The following BFSP2 variants were observed in gnomAD, a reference collection of about 807,000 sequenced individuals.
BFSP2 encodes phakinin.
A neutral mutation model predicts 44.9 loss-of-function variants in BFSP2; 38 were observed. That is an observed-to-expected ratio of 0.85 (90% confidence interval 0.65 to 1.11). The LOEUF is 1.11. BFSP2 is among the 50% of genes least tolerant of loss of function. The probability of loss-of-function intolerance (pLI) is 0.00; values close to 1 mark genes in which losing one functional copy is unlikely to be tolerated. For missense variants in BFSP2, 525 were observed against 533.0 expected (o/e 0.99, Z 0.15); for synonymous variants, 197 against 209.9 (o/e 0.94, Z 0.53).
chr3:133,466,450 C>T (rs6439409), intron 4 of BFSP2, among the ~76,000 whole-genome samples: 65,956 of 151,264 alleles, frequency 0.44, 15,096 homozygotes, highest in Non-Finnish European at 0.5. Context: ...GAGGCCAAGG[C>T]ATGCGGATTA....
At chr3:133,424,313 C>T (rs2073624373) in intron 1 of BFSP2, among the ~76,000 whole-genome samples, 1 of 151,190 alleles carries the variant, frequency 6.6e-6, no homozygotes, top group South Asian at 2.1e-4. Context: ...CGTGATCCAC[C>T]CGCCTCGGCC....
intron 1 of BFSP2, among the ~76,000 whole-genome samples, chr3:133,422,072 A>G (rs2107894724): frequency 7.4e-6 from 1 of 134,488 alleles, no homozygotes; most frequent in East Asian, 2.2e-4. Context: ...GCGCCACTGC[A>G]CTCCAGCCTG....
chr3:133,430,977 G>A (rs907791958), intron 1 of BFSP2, among the ~76,000 whole-genome samples: 1 of 152,118 alleles, frequency 6.6e-6, no homozygotes, highest in Non-Finnish European at 1.5e-5. Flanking sequence ...GGTGGCTGGA[G>A]CTGAAGGCAT....
intron 5 of BFSP2, among the ~76,000 whole-genome samples, chr3:133,471,746 C>T (rs1380260687): frequency 1.3e-5 from 2 of 151,944 alleles, no homozygotes; most frequent in Non-Finnish European, 2.9e-5. Flanking sequence ...AGTGAAGGGA[C>T]GGCAGAGGAA....
intron 1 of BFSP2, among the ~76,000 whole-genome samples, chr3:133,432,202 TCCC>T (rs2073729384): frequency 1.3e-5 from 2 of 152,014 alleles, no homozygotes; most frequent in East Asian, 1.9e-4. Context: ...TCCTTACAAT[TCCC>T]CCATTTTACC....
In BFSP2 at chr3:133,424,229, T is replaced by G. The variant is rs1366802853; in HGVS notation, c.490-23088T>G. ...TCCAGCTAATTTTTTTTTTTTTTTTTTTTTTTTTTTTTGTATTTTTAGTAG... is the reference window on the plus strand; with the variant it reads ...TCCAGCTAATTTTTTTTTTTTTTTTGTTTTTTTTTTTTGTATTTTTAGTAG... On this transcript the variant is annotated intron_variant, in intron 1 of 6. Coordinates refer to ENST00000302334, the MANE Select transcript of BFSP2 (RefSeq NM_003571.4). 2.1e-3 allele frequency among the ~76,000 whole-genome samples: 301 copies of G among 145,874 alleles called. 7 individuals are homozygous for G. The highest frequency in any genetic ancestry group is 7.2e-3 in the African/African-American group (288 of 39,860).
intron 1 of BFSP2, among the ~76,000 whole-genome samples, chr3:133,401,560 A>G (rs1392505569): frequency 6.6e-6 from 1 of 151,928 alleles, no homozygotes; most frequent in African/African-American, 2.4e-5. Context: ...CACATCCATC[A>G]TGTCTGGCCT....
intron 1 of BFSP2, among the ~76,000 whole-genome samples, chr3:133,404,390 G>A (rs372091096): frequency 1.5e-4 from 23 of 152,194 alleles, no homozygotes; most frequent in African/African-American, 5.1e-4. Flanking sequence ...GCAGCAACTG[G>A]AGGGAGAGGA....
rs763538302 is a variant in BFSP2, at chr3:133,400,944, CCCCATTA to C, written c.489+376_489+382del. Reference sequence around the variant, plus strand: ...TTTTGTGCCTCCAAAGTTGCATTTGCCCCATTACCCTGGGGCTGCCTCAGTCACCTTT... The same window carrying C: ...TTTTGTGCCTCCAAAGTTGCATTTGCCCCTGGGGCTGCCTCAGTCACCTTT... On this transcript the variant is annotated intron_variant, in intron 1 of 6. Coordinates refer to ENST00000302334, the MANE Select transcript of BFSP2 (RefSeq NM_003571.4). The surrounding 1 kb of genome is among the most constrained non-coding windows in gnomAD (Gnocchi z 4.0). Among the ~76,000 whole-genome samples, 9 of 152,134 alleles carry C rather than the reference CCCCATTA, an allele frequency of 5.9e-5. No homozygotes were observed. The highest frequency in any genetic ancestry group is 1.3e-4 in the Non-Finnish European group (9 of 68,026).
Position 133,400,639 on chromosome 3 carries a change from G to A in BFSP2, c.489+67G>A. 6.5e-7 allele frequency: 1 copy of A among 1,549,882 alleles called. No individual in the cohort carries two copies. Among genetic ancestry groups the A allele is most frequent in the Admixed American group, 2.0e-5 (1 of 51,110 alleles). On this transcript the variant is annotated intron_variant, in intron 1 of 6. Coordinates refer to ENST00000302334, the MANE Select transcript of BFSP2 (RefSeq NM_003571.4). The surrounding 1 kb of genome is among the most constrained non-coding windows in gnomAD (Gnocchi z 4.0). ...GAGGGGCTGCTGAAGGCAGCGGGTA[G>A]GGTTGTGAGTAGGCTGAGGCCAGAG...
At chr3:133,424,315 G>T (rs973067769) in intron 1 of BFSP2, among the ~76,000 whole-genome samples, 1 of 144,250 alleles carries the variant, frequency 6.9e-6, no homozygotes, top group African/African-American at 2.5e-5. Flanking sequence ...TGATCCACCC[G>T]CCTCGGCCTC....
intron 4 of BFSP2, among the ~76,000 whole-genome samples, chr3:133,461,160 G>C (rs1281819708): frequency 2.0e-5 from 3 of 152,144 alleles, no homozygotes; most frequent in Non-Finnish European, 4.4e-5. Context: ...AAGTGGGTCA[G>C]GCTTGGACTT....
chr3:133,469,338 T>A (rs2107942971), intron 5 of BFSP2, among the ~76,000 whole-genome samples: 1 of 152,380 alleles, frequency 6.6e-6, no homozygotes, highest in East Asian at 1.9e-4. Context: ...CAGAGCGATC[T>A]GTGCACACAC....
At chr3:133,438,895 A>T (rs1303239096) in intron 1 of BFSP2, among the ~76,000 whole-genome samples, 2 of 152,190 alleles carry the variant, frequency 1.3e-5, no homozygotes, top group Non-Finnish European at 2.9e-5. Flanking sequence ...ACCTTTATAT[A>T]TAGTTATACA....
chr3:133,447,432 C>G lies in BFSP2; in HGVS notation c.572+33C>G, dbSNP rs371860935. ...CTTACAGCAGAGGCGACAGTCCCTC[C>G]ACATCCCTAGACTCCTAGGCAAGTG... On this transcript the variant is annotated intron_variant, in intron 2 of 6. Transcript: ENST00000302334. 3.7e-6 allele frequency: 6 copies of G among 1,600,234 alleles called. No individual in the cohort carries two copies. The African/African-American group carries it at 8.0e-5, about 21-fold the overall frequency.
chr3:133,469,738 C>G (rs1018261065), intron 5 of BFSP2, among the ~76,000 whole-genome samples: 1 of 152,250 alleles, frequency 6.6e-6, no homozygotes, highest in Non-Finnish European at 1.5e-5. Flanking sequence ...GGCATCCTCT[C>G]TTTCTGCCAT....
intron 1 of BFSP2, among the ~76,000 whole-genome samples, chr3:133,421,977 C>T (rs1251833195): frequency 2.0e-5 from 3 of 151,822 alleles, no homozygotes; most frequent in Non-Finnish European, 2.9e-5. Flanking sequence ...TGTGGTGGTG[C>T]GCACCTATAG....
In BFSP2 at chr3:133,475,166, T is replaced by G; in HGVS notation, c.*194T>G. 1 of 718,782 alleles carries G rather than the reference T, an allele frequency of 1.4e-6. No individual in the cohort carries two copies. The allele number at this position is 718,782 out of a possible 1,614,324, so 44.5% of individuals were successfully genotyped here. On this transcript the variant is annotated 3_prime_UTR_variant, in exon 7 of 7. Transcript: ENST00000302334. ...TGAGTAGTCTGTAGCTTGAGCAATC[T>G]CCCTTGTCCTCCTTCAAATAAATGC...
At chr3:133,466,677 C>CAACAAAAAA (rs1277623226) in intron 4 of BFSP2, 151 bp from the exon 5 acceptor site, 6 of 259,254 alleles carry the variant, frequency 2.3e-5, no homozygotes, top group Middle Eastern at 1.4e-3. Context: ...TTCATCTCAA[C>CAACAAAAAA]AAAAAAAAAA....
Sources: gnomAD v4.1 joint callset for allele counts (sites outside exome capture counted in the v4.1 genomes callset) on GRCh38, gnomAD v4.1.1 for gene constraint, Gnocchi (gnomAD v3.1) non-coding constraint, MANE v1.5 for transcripts, NCBI Gene and HGNC (gene_info 2026-07-23, HGNC 2026-07-21) for gene names.